ANK3: variants seen among roughly 807,000 people sequenced by gnomAD.
ANK3 encodes ankyrin 3, also known as ankyrin-3.
ANK3 carries 57 observed loss-of-function variants against 370.9 expected under a neutral mutation model. The ratio of observed to expected loss-of-function variants is 0.15; its 90% CI spans 0.12 to 0.19. The LOEUF is 0.19. Among genes scored for constraint, ANK3 ranks in the 10% least tolerant of loss-of-function variants. ANK3 has a pLI of 1.00. For missense variants in ANK3, 4,439 were observed against 5,302.1 expected (o/e 0.84, Z 5.06); for synonymous variants, 1,929 against 1,946.3 (o/e 0.99, Z 0.23).
intron 1 of ANK3, among the ~76,000 whole-genome samples, chr10:60,359,710 G>A (rs534286957): frequency 1.3e-5 from 2 of 152,270 alleles, no homozygotes; most frequent in East Asian, 3.9e-4. Context: ...GCTGAGGCAG[G>A]AGGATCGCTT....
At position 60,076,397 on chromosome 10, in the gene ANK3, T is replaced by C. The variant is rs572626990; in HGVS notation, c.4484A>G (p.Lys1495Arg). The change falls in exon 37 of 44, where the codon AAG becomes AGG. Residue 1495 changes from lysine (K) to arginine (R), a missense_variant. By Grantham distance (26) the Lys-to-Arg change is conservative. This residue lies in a region of ANK3 where 679 missense variants were observed against 791.0 expected (regional missense o/e 0.86). Transcript: ENST00000280772. The stretch of plus-strand genomic sequence containing the variant: ...GTATGGTCTTGTAGAAAAGAATGGC[T>C]TGTATGAGTAAGTGGTGGGGAGGGA... ...TRSLPTTYSY[K>R]PFFSTRPYQS... 18 of 1,613,802 alleles carry C rather than the reference T, an allele frequency of 1.1e-5. No homozygotes were observed. The East Asian group carries it at 3.1e-4, about 28-fold the overall frequency.
intron 43 of ANK3, among the ~76,000 whole-genome samples, chr10:60,030,462 G>A (rs902708050): frequency 6.6e-6 from 1 of 152,138 alleles, no homozygotes; most frequent in Non-Finnish European, 1.5e-5. Flanking sequence ...ATGTAACAAA[G>A]TTGTGAGTTG....
At chr10:60,452,513 G>T (rs916768565) in intron 2 of ANK3, among the ~76,000 whole-genome samples, 1 of 152,126 alleles carries the variant, frequency 6.6e-6, no homozygotes, top group African/African-American at 2.4e-5. Context: ...TAGAGAACCC[G>T]TCTTCCTCCC....
chr10:60,594,335 A>G (rs1260490370), intron 2 of ANK3, among the ~76,000 whole-genome samples: 1 of 152,146 alleles, frequency 6.6e-6, no homozygotes, highest in African/African-American at 2.4e-5. Flanking sequence ...TTTCACACCC[A>G]TCATACTAGG....
At chr10:60,672,066 G>T (rs564318393) in intron 1 of ANK3, among the ~76,000 whole-genome samples, 3 of 152,206 alleles carry the variant, frequency 2.0e-5, no homozygotes, top group East Asian at 1.9e-4. Context: ...GTTCTAAGCC[G>T]CTAAGTGTTG....
intron 25 of ANK3, among the ~76,000 whole-genome samples, chr10:60,133,824 C>CAA (rs746879860): frequency 6.6e-6 from 1 of 152,058 alleles, no homozygotes; most frequent in Non-Finnish European, 1.5e-5. Context: ...GAGGCTGAGG[C>CAA]ATGAGAATCA....
intron 2 of ANK3, among the ~76,000 whole-genome samples, chr10:60,405,634 T>C (rs1372587137): frequency 6.6e-6 from 1 of 152,174 alleles, no homozygotes; most frequent in African/African-American, 2.4e-5. Flanking sequence ...CATTCCATTG[T>C]ATGTAAATTT....
intron 1 of ANK3, among the ~76,000 whole-genome samples, chr10:60,358,817 T>G (rs2058174842): frequency 6.6e-6 from 1 of 152,188 alleles, no homozygotes; most frequent in Non-Finnish European, 1.5e-5. Context: ...TCTTTGCACT[T>G]GTTGTTCCTT....
chr10:60,675,371 T>G (rs946448553), intron 1 of ANK3, among the ~76,000 whole-genome samples: 1 of 152,210 alleles, frequency 6.6e-6, no homozygotes, highest in African/African-American at 2.4e-5. Flanking sequence ...CATCACTCAC[T>G]TCTTCCACCC....
intron 2 of ANK3, among the ~76,000 whole-genome samples, chr10:60,591,777 G>A (rs2077918650): frequency 6.6e-6 from 1 of 152,174 alleles, no homozygotes; most frequent in Non-Finnish European, 1.5e-5. Flanking sequence ...TTGCAGCAAT[G>A]TGGATGGAAC....
chr10:60,285,403 T>C (rs2098229416), intron 1 of ANK3, among the ~76,000 whole-genome samples: 1 of 152,174 alleles, frequency 6.6e-6, no homozygotes, highest in South Asian at 2.1e-4. Context: ...CTCTCACTAA[T>C]CAATACTGTC....
At chr10:60,374,818 C>T (rs1004248760) in intron 1 of ANK3, among the ~76,000 whole-genome samples, 28 of 152,082 alleles carry the variant, frequency 1.8e-4, no homozygotes, top group African/African-American at 6.8e-4. Flanking sequence ...ACTTTTGGTA[C>T]ACTCATAAAG....
intron 1 of ANK3, among the ~76,000 whole-genome samples, chr10:60,382,470 T>C (rs2061670474): frequency 1.3e-5 from 2 of 152,122 alleles, no homozygotes; most frequent in African/African-American, 2.4e-5. Flanking sequence ...TTGAAATCTA[T>C]ATATTTTATA....
intron 1 of ANK3, among the ~76,000 whole-genome samples, chr10:60,695,344 A>C (rs1300903188): frequency 2.0e-5 from 3 of 152,136 alleles, no homozygotes; most frequent in Non-Finnish European, 2.9e-5. Flanking sequence ...CAGATCAACG[A>C]GACAGAAAGT....
In ANK3 at chr10:60,071,611, T is replaced by A; in HGVS notation, c.9270A>T (p.Lys3090Asn). Residue 3090 changes from lysine (K) to asparagine (N), a missense_variant, in exon 37 of 44, where the codon AAA becomes AAT. Lys to Asn is a moderately conservative substitution (Grantham distance 94, BLOSUM62 0). Transcript: ENST00000280772. ...CAAAACTGACATAAACGGGTAAAGTTTTTATCTCTTTCCCTCCCTCTGTCT... is the reference window on the plus strand; with the variant it reads ...CAAAACTGACATAAACGGGTAAAGTATTTATCTCTTTCCCTCCCTCTGTCT... The part of the protein sequence containing the change: ...LAQTEGGKEI[K>N]TLPVYVSFVQ... 1 of 1,613,800 alleles carries A rather than the reference T, an allele frequency of 6.2e-7. No individual in the cohort carries two copies. Among genetic ancestry groups the A allele is most frequent in the Non-Finnish European group, 8.5e-7 (1 of 1,179,920 alleles).
chr10:60,675,538 T>C (rs2079113794), intron 1 of ANK3, among the ~76,000 whole-genome samples: 1 of 152,264 alleles, frequency 6.6e-6, no homozygotes, highest in Admixed American at 6.5e-5. Flanking sequence ...ACCTAAGTTC[T>C]ATAGCATGCA....
At chr10:60,546,987 G>A (rs1235693932) in intron 2 of ANK3, among the ~76,000 whole-genome samples, 2 of 151,900 alleles carry the variant, frequency 1.3e-5, no homozygotes, top group Non-Finnish European at 2.9e-5. Context: ...CACACAGCTG[G>A]TAAATGTCAG....
rs139377712 is a variant in ANK3, at chr10:60,087,962, C to G, written c.3540+185G>C. Reference sequence around the variant, plus strand: ...AAACAGAACAACCCTAAAATATGTACCTTATTTAACAAGCCAGTAAGCTAA... The same window carrying G: ...AAACAGAACAACCCTAAAATATGTAGCTTATTTAACAAGCCAGTAAGCTAA... On this transcript the variant is annotated intron_variant, in intron 29 of 43. Coordinates refer to ENST00000280772, the MANE Select transcript of ANK3 (RefSeq NM_020987.5). Among the ~76,000 whole-genome samples, 27 of 152,276 alleles carry G rather than the reference C, an allele frequency of 1.8e-4. No homozygotes were observed. The East Asian group carries it at 5.2e-3, about 29-fold the overall frequency.
chr10:60,087,595 C>T (rs146268714), intron 29 of ANK3, among the ~76,000 whole-genome samples: 6 of 152,278 alleles, frequency 3.9e-5, no homozygotes, highest in African/African-American at 7.2e-5. Context: ...CTATTAATTA[C>T]AATATTAATA....
Sources: gnomAD v4.1 joint callset for allele counts (sites outside exome capture counted in the v4.1 genomes callset) on GRCh38, gnomAD v4.1.1 for gene constraint, gnomAD v4.1.1 regional missense constraint, MANE v1.5 for transcripts, NCBI Gene and HGNC (gene_info 2026-07-23, HGNC 2026-07-21) for gene names.